Variants in PTGS2 observed in about 807,000 individuals in gnomAD.
The protein encoded by PTGS2 is prostaglandin-endoperoxide synthase 2, also known as prostaglandin G/H synthase 2.
In PTGS2, 14 loss-of-function variants were observed where a neutral mutation model predicts 63.8. The ratio of observed to expected loss-of-function variants is 0.22; its 90% CI spans 0.14 to 0.34. The LOEUF is 0.34. Among genes scored for constraint, PTGS2 ranks in the 10% least tolerant of loss-of-function variants. The pLI is 1.00. For missense variants in PTGS2, 533 were observed against 738.5 expected, an observed-to-expected ratio of 0.72 and a Z score of 3.23; for synonymous variants, 271 against 259.5, an observed-to-expected ratio of 1.04 and a Z score of -0.43.
chr1:186,675,816 G>A, intron 8 of PTGS2, 82 bp downstream of exon 8: 5 of 1,361,158 alleles, frequency 3.7e-6, no homozygotes, highest in Non-Finnish European at 4.0e-6. Context: ...CTTTTAGTAA[G>A]TTTAAGAAAA....
At chr1:186,677,952 T>C (rs1665810509) in intron 4 of PTGS2, 122 bp from the exon 5 acceptor site, 14 of 937,014 alleles carry the variant, frequency 1.5e-5, no homozygotes, top group Non-Finnish European at 2.2e-5. Flanking sequence ...AGGATCATAA[T>C]ATAAACAACA....
chr1:186,676,313 TAGC>T (rs1488112168), intron 7 of PTGS2, 129 bp from the exon 8 acceptor site: 4 of 1,367,392 alleles, frequency 2.9e-6, no homozygotes, highest in Non-Finnish European at 4.0e-6. Flanking sequence ...TATCAAAAGA[TAGC>T]TATTTTATCA....
At position 186,676,873 on chromosome 1, in the gene PTGS2, C is replaced by A; in HGVS notation, c.683G>T (p.Arg228Leu). ...TCCATCCTTGAAAAGGCGCAGTTTA[C>A]GCTGTCTAGCCAGAGTTTCACCGTA... ...HIYGETLARQ[R>L]KLRLFKDGKM... The change falls in exon 6 of 10, where the codon CGT (arginine) becomes CTT (leucine). Residue 228 changes from arginine to leucine, a missense_variant. Around this residue, in one of 5 missense-constraint regions of PTGS2, gnomAD observed 118 missense variants for 138.7 expected, o/e 0.85. Transcript: ENST00000367468. 6.2e-7 allele frequency: 1 copy of A among 1,609,958 alleles called. No homozygotes were observed. Among genetic ancestry groups the A allele is most frequent in the Non-Finnish European group, 8.5e-7 (1 of 1,178,662 alleles).
chr1:186,680,367 G>C lies in PTGS2; in HGVS notation c.-77C>G. 1 of 1,137,738 alleles carries C rather than the reference G, an allele frequency of 8.8e-7. No individual in the cohort carries two copies. Among genetic ancestry groups the C allele is most frequent in the East Asian group, 2.7e-5 (1 of 37,672 alleles). 70.5% of individuals were successfully genotyped at this position (1,137,738 alleles called of 1,614,324 possible). Reference sequence around the variant, plus strand: ...GTCTGGCTGTGGAGCTGAAGGAGGCGCTGCTGAGGAGTTCCTGGACGTGCT... The same window carrying C: ...GTCTGGCTGTGGAGCTGAAGGAGGCCCTGCTGAGGAGTTCCTGGACGTGCT... On this transcript the variant is annotated 5_prime_UTR_variant, in exon 1 of 10. Coordinates refer to ENST00000367468, the MANE Select transcript of PTGS2 (RefSeq NM_000963.4).
intron 4 of PTGS2, 57 bp from the exon 5 acceptor site, chr1:186,677,887 G>T: frequency 6.6e-7 from 1 of 1,508,392 alleles, no homozygotes; most frequent in Non-Finnish European, 9.0e-7. Flanking sequence ...AAAGGAGATG[G>T]TGACTGTCAA....
rs979252370 is a variant in PTGS2, at chr1:186,673,055, T to C, written c.*1298A>G. ...GTAAAACAAAATAGGAGAAACGAAG[T>C]GATGAGAAGACTGTGTCTCTTAGCA... On this transcript the variant is annotated 3_prime_UTR_variant, in exon 10 of 10. Transcript: ENST00000367468. 2 of 151,924 alleles carry C rather than the reference T, an allele frequency of 1.3e-5. No homozygotes were observed. The highest frequency in any genetic ancestry group is 1.3e-4 in the Admixed American group (2 of 15,264). The allele number at this position is 151,924 out of a possible 1,614,324, so 9.4% of individuals were successfully genotyped here. A position where few individuals can be genotyped will look rare whatever the true frequency, so the allele number is the denominator to read the frequency against.
intron 6 of PTGS2, 57 bp from the exon 7 acceptor site, chr1:186,676,770 A>G (rs1349318554): frequency 1.3e-5 from 20 of 1,596,220 alleles, no homozygotes; most frequent in Non-Finnish European, 1.7e-5. Context: ...ACACATTTTT[A>G]GGGATTTTAA....
At chr1:186,676,356 A>C (rs4648276) in intron 7 of PTGS2, 111 bp downstream of exon 7, 49 of 1,438,394 alleles carry the variant, frequency 3.4e-5, no homozygotes, top group Non-Finnish European at 4.2e-5. Context: ...TGTATATAGA[A>C]TGTGTGAGTT....
chr1:186,673,900 C>T lies in PTGS2; in HGVS notation c.*453G>A, dbSNP rs1665733944. 6.6e-6 allele frequency: 1 copy of T among 152,306 alleles called. No individual in the cohort carries two copies. Among genetic ancestry groups the T allele is most frequent in the Admixed American group, 6.5e-5 (1 of 15,276 alleles). 9.4% of individuals were successfully genotyped at this position (152,306 alleles called of 1,614,324 possible). On this transcript the variant is annotated 3_prime_UTR_variant, in exon 10 of 10. Coordinates refer to ENST00000367468, the MANE Select transcript of PTGS2 (RefSeq NM_000963.4). The stretch of plus-strand genomic sequence containing the variant: ...TATTCATTTAATAATGCACTGATAC[C>T]TGTTTTTGTTTGATGACAGAAAAAT...
chr1:186,677,804 C>T lies in PTGS2; in HGVS notation c.484G>A (p.Glu162Lys), dbSNP rs1665807856. The change falls in exon 5 of 10, where the codon GAG becomes AAG. Residue 162 changes from glutamate to lysine, a missense_variant. By Grantham distance (56) the Glu-to-Lys change is moderately conservative. Transcript: ENST00000367468. ...KGKKQLPDSNEIVEKLLLRRK... is the reference protein window; with the variant it reads ...KGKKQLPDSNKIVEKLLLRRK... Reference sequence around the variant, plus strand: ...CTTAGAAGCAATTTTTCCACAATCTCATTTGAATCAGGAAGCTGCTTTTTA... The same window carrying T: ...CTTAGAAGCAATTTTTCCACAATCTTATTTGAATCAGGAAGCTGCTTTTTA... 1 of 1,613,432 alleles carries T rather than the reference C, an allele frequency of 6.2e-7. No individual in the cohort carries two copies. Among genetic ancestry groups the T allele is most frequent in the Non-Finnish European group, 8.5e-7 (1 of 1,179,776 alleles).
At position 186,674,872 on chromosome 1, in the gene PTGS2, C is replaced by T. The variant is rs1665751616; in HGVS notation, c.1406-110G>A. ...GCCAACTTCTCTGTTTCCATTTGAC[C>T]CCTGATTCTTTTAAGAAGTTTAGGG... is the stretch of plus-strand genomic sequence containing the variant. On this transcript the variant is annotated intron_variant, in intron 9 of 9. Coordinates refer to ENST00000367468, the MANE Select transcript of PTGS2 (RefSeq NM_000963.4). 6 of 1,305,134 alleles carry T rather than the reference C, an allele frequency of 4.6e-6. No individual in the cohort carries two copies. In the African/African-American group the frequency reaches 6.0e-5, roughly 13 times the overall value. The allele number at this position is 1,305,134 out of a possible 1,614,324, so 80.8% of individuals were successfully genotyped here. A position where few individuals can be genotyped will look rare whatever the true frequency, so the allele number is the denominator to read the frequency against.
chr1:186,675,862 T>G (rs1374322134), intron 8 of PTGS2, 36 bp downstream of exon 8: 1 of 1,558,496 alleles, frequency 6.4e-7, no homozygotes, highest in Non-Finnish European at 8.7e-7. Context: ...AGTTACTGAC[T>G]AGTCTTTTGT....
At chr1:186,678,842 G>T (rs979042568) in intron 3 of PTGS2, among the ~76,000 whole-genome samples, 16 of 152,112 alleles carry the variant, frequency 1.1e-4, no homozygotes, top group Non-Finnish European at 2.4e-4. Context: ...AAACAGTAAA[G>T]GTTAGAAGAG....
In PTGS2 at chr1:186,674,606, A is replaced by G; in HGVS notation, c.1562T>C (p.Met521Thr). 1.9e-6 allele frequency: 3 copies of G among 1,614,222 alleles called. No homozygotes were observed. Among genetic ancestry groups the G allele is most frequent in the Non-Finnish European group, 2.5e-6 (3 of 1,180,034 alleles). The stretch of plus-strand genomic sequence containing the variant: ...GGCAGGAGAACATATAACATTACCC[A>G]TAAGTCCTTTCAAGGAGAATGGTGC... ...VGAPFSLKGL[M>T]GNVICSPAYW... The change falls in exon 10 of 10, where the codon ATG becomes ACG. Residue 521 changes from methionine (M) to threonine (T), a missense_variant. Met to Thr is a moderately conservative substitution (Grantham distance 81). This residue lies in a region of PTGS2 where 219 missense variants were observed against 267.4 expected (regional missense o/e 0.82). Coordinates refer to ENST00000367468, the MANE Select transcript of PTGS2 (RefSeq NM_000963.4).
chr1:186,680,165 C>A, intron 1 of PTGS2, 74 bp downstream of exon 1: 1 of 1,548,262 alleles, frequency 6.5e-7, no homozygotes, highest in African/African-American at 1.4e-5. Flanking sequence ...TGGGATAGAC[C>A]CAGGAGGTCA....
intron 9 of PTGS2, among the ~76,000 whole-genome samples, 188 bp from the exon 10 acceptor site, chr1:186,674,950 C>T (rs1306654422): frequency 1.3e-5 from 2 of 152,176 alleles, no homozygotes; most frequent in Admixed American, 6.5e-5. Context: ...AGGCCGAAGC[C>T]GGCGGATCAC....
At position 186,671,887 on chromosome 1, in the gene PTGS2, T is replaced by A. The variant is rs200076979; in HGVS notation, c.*2466A>T. 6.6e-6 allele frequency: 1 copy of A among 152,242 alleles called. No individual in the cohort carries two copies. The highest frequency in any genetic ancestry group is 1.5e-5 in the Non-Finnish European group (1 of 67,988). 9.4% of individuals were successfully genotyped at this position (152,242 alleles called of 1,614,324 possible). On this transcript the variant is annotated 3_prime_UTR_variant, in exon 10 of 10. Coordinates refer to ENST00000367468, the MANE Select transcript of PTGS2 (RefSeq NM_000963.4). ...TTTATTTCCAGACTTATCTTTTACA[T>A]AAGTTAAATACACATTTGTCTGAGG... is the stretch of plus-strand genomic sequence containing the variant.
In PTGS2 at chr1:186,676,458, C is replaced by A. The variant is rs763640914; in HGVS notation, c.970+9G>T. The A allele has an allele frequency of 2.5e-6, 4 of 1,611,336 alleles. No homozygotes were observed. Among genetic ancestry groups the A allele is most frequent in the Non-Finnish European group, 3.4e-6 (4 of 1,178,192 alleles). On this transcript the variant is annotated intron_variant, in intron 7 of 9. Transcript: ENST00000367468. ...AAGAGGGTTTTATATAAATCATTTTCTTGTTTACCTATCAGTATTAGCCTG... is the reference window on the plus strand; with the variant it reads ...AAGAGGGTTTTATATAAATCATTTTATTGTTTACCTATCAGTATTAGCCTG...
chr1:186,678,988 G>A, intron 3 of PTGS2, 70 bp downstream of exon 3: 1 of 1,487,342 alleles, frequency 6.7e-7, no homozygotes, highest in Non-Finnish European at 9.1e-7. Flanking sequence ...TTTTAGATTA[G>A]GCTTACAGTA....
Sources: gnomAD v4.1 joint callset for allele counts (sites outside exome capture counted in the v4.1 genomes callset) on GRCh38, gnomAD v4.1.1 for gene constraint, gnomAD v4.1.1 regional missense constraint, MANE v1.5 for transcripts, NCBI Gene and HGNC (gene_info 2026-07-23, HGNC 2026-07-21) for gene names.